The following NRXN3 variants were observed in gnomAD, a reference collection of about 807,000 sequenced individuals.
NRXN3 encodes neurexin III.
In NRXN3, 32 loss-of-function variants were observed where a neutral mutation model predicts 137.6. The observed-to-expected ratio is 0.23, with a 90% CI of 0.18 to 0.31. The LOEUF (loss-of-function observed/expected upper bound fraction) is 0.31. Ranked by LOEUF, NRXN3 falls within the 10% of genes least tolerant of loss-of-function variation. The pLI is 1.00. For synonymous variants in NRXN3, 798 were observed against 784.5 expected (o/e 1.02, Z -0.29); for missense variants, 1,574 against 2,062.5 (o/e 0.76, Z 4.59).
chr14:79,038,340 C>A (rs1176363575), intron 15 of NRXN3, among the ~76,000 whole-genome samples: 1 of 151,926 alleles, frequency 6.6e-6, no homozygotes, highest in Non-Finnish European at 1.5e-5. Context: ...GTAGCCTTAC[C>A]CTTAATAGTG....
At chr14:79,573,286 T>G (rs1367083425) in intron 16 of NRXN3, among the ~76,000 whole-genome samples, 1 of 152,046 alleles carries the variant, frequency 6.6e-6, no homozygotes, top group Non-Finnish European at 1.5e-5. Context: ...CCTAAAGGAA[T>G]GCAGTGGGTG....
At chr14:79,096,938 G>A (rs553126161) in intron 15 of NRXN3, among the ~76,000 whole-genome samples, 1 of 151,900 alleles carries the variant, frequency 6.6e-6, no homozygotes, top group African/African-American at 2.4e-5. Context: ...AGATAATTTT[G>A]ATATATAGTA....
chr14:78,901,223 C>A (rs994762856), intron 10 of NRXN3, among the ~76,000 whole-genome samples: 15 of 151,186 alleles, frequency 9.9e-5, no homozygotes, highest in African/African-American at 3.4e-4. Context: ...TTTCTTGAAC[C>A]ATTTTTTTTT....
Position 79,119,254 on chromosome 14 carries a change from T to C in NRXN3, c.3262+131113T>C, listed in dbSNP as rs534658848. ...TATATCTCTATGTGTTTTTGTATTT[T>C]CTGAGGATTATATTAGATTAATACC... On this transcript the variant is annotated intron_variant, in intron 15 of 20. Transcript: ENST00000335750. 2.1e-3 allele frequency among the ~76,000 whole-genome samples: 316 copies of C among 152,296 alleles called. 1 individual carries two copies. The highest frequency in any genetic ancestry group is 7.3e-3 in the African/African-American group (304 of 41,582).
At chr14:79,535,468 G>A (rs969264185) in intron 16 of NRXN3, among the ~76,000 whole-genome samples, 1 of 152,256 alleles carries the variant, frequency 6.6e-6, no homozygotes, top group East Asian at 1.9e-4. Context: ...TTGAGGATGG[G>A]AGGAAGCTTT....
intron 15 of NRXN3, among the ~76,000 whole-genome samples, chr14:79,014,837 T>C (rs1238717948): frequency 6.6e-6 from 1 of 152,130 alleles, no homozygotes; most frequent in Non-Finnish European, 1.5e-5. Context: ...TTTGTTGCTT[T>C]CATCTTCTTT....
At position 79,862,814 on chromosome 14, in the gene NRXN3, CAGAA is replaced by C. The variant is rs2099415583; in HGVS notation, c.*851_*854del. 1.3e-5 allele frequency: 2 copies of C among 152,514 alleles called. No individual in the cohort carries two copies. The highest frequency in any genetic ancestry group is 4.8e-5 in the African/African-American group (2 of 41,408). The allele number at this position is 152,514 out of a possible 1,614,324, so 9.4% of individuals were successfully genotyped here. A position where few individuals can be genotyped will look rare whatever the true frequency, so the allele number is the denominator to read the frequency against. ...AAGCTGGTCCCCCAGGATCTAATTTCAGAATTTACCACCCAAACCCGGAACAGAT... is the reference window on the plus strand; with the variant it reads ...AAGCTGGTCCCCCAGGATCTAATTTCTTTACCACCCAAACCCGGAACAGAT... On this transcript the variant is annotated 3_prime_UTR_variant, in exon 21 of 21. Coordinates refer to ENST00000335750, the MANE Select transcript of NRXN3 (RefSeq NM_001330195.2).
chr14:78,346,107 T>C (rs1465694139), intron 4 of NRXN3, among the ~76,000 whole-genome samples: 1 of 152,200 alleles, frequency 6.6e-6, no homozygotes, highest in East Asian at 1.9e-4. Context: ...TGATGCTCTA[T>C]TGAGACCTGA....
At chr14:79,351,547 T>G (rs1200398518) in intron 15 of NRXN3, among the ~76,000 whole-genome samples, 1 of 152,196 alleles carries the variant, frequency 6.6e-6, no homozygotes, top group East Asian at 1.9e-4. Flanking sequence ...GCAAGTCACT[T>G]AATAACTATC....
chr14:79,233,819 A>T (rs1049644316), intron 15 of NRXN3, among the ~76,000 whole-genome samples: 1 of 151,938 alleles, frequency 6.6e-6, no homozygotes, highest in Non-Finnish European at 1.5e-5. Flanking sequence ...CAATTAAGAG[A>T]TCCTTTTGAA....
At chr14:78,918,285 CAAAAAAA>C (rs71454807) in intron 10 of NRXN3, among the ~76,000 whole-genome samples, 1 of 34,668 alleles carries the variant, frequency 2.9e-5, no homozygotes, top group Non-Finnish European at 5.1e-5. Context: ...AACTCCATCT[CAAAAAAA>C]AAAAAAAAAA....
intron 8 of NRXN3, chr14:78,744,398 G>A (rs762168535): frequency 4.6e-5 from 7 of 152,090 alleles, no homozygotes; most frequent in Admixed American, 1.3e-4. Context: ...CAAAGTGCTG[G>A]GATTACAGGT....
intron 4 of NRXN3, among the ~76,000 whole-genome samples, chr14:78,590,925 C>A (rs926018885): frequency 1.6e-4 from 24 of 151,754 alleles, no homozygotes; most frequent in African/African-American, 5.3e-4. Flanking sequence ...AAACAAAAAA[C>A]CAAAAAAGAA....
chr14:78,481,660 T>A (rs1312185237), intron 4 of NRXN3, among the ~76,000 whole-genome samples: 1 of 152,116 alleles, frequency 6.6e-6, no homozygotes, highest in East Asian at 1.9e-4. Context: ...TTATGGAAAA[T>A]CACAAAGAGA....
intron 8 of NRXN3, among the ~76,000 whole-genome samples, chr14:78,790,742 G>C (rs914994692): frequency 6.6e-6 from 1 of 152,170 alleles, no homozygotes; most frequent in Non-Finnish European, 1.5e-5. Flanking sequence ...GTGGTAATTT[G>C]CTTACAAGGT....
chr14:79,676,343 C>A (rs2098640583), intron 17 of NRXN3, among the ~76,000 whole-genome samples: 2 of 122,232 alleles, frequency 1.6e-5, no homozygotes, highest in Admixed American at 1.5e-4. Context: ...GACCTACATC[C>A]TCTATTCCCC....
At chr14:78,969,771 A>G (rs191254104) in intron 14 of NRXN3, among the ~76,000 whole-genome samples, 41 of 151,638 alleles carry the variant, frequency 2.7e-4, no homozygotes, top group Admixed American at 1.2e-3. Flanking sequence ...ATCCAGAAAT[A>G]TTTCTTAAAT....
rs188843064 is a variant in NRXN3 at position 79,596,997 on chromosome 14, A to G, written c.3445-66781A>G. On this transcript the variant is annotated intron_variant, in intron 16 of 20. Coordinates refer to ENST00000335750, the MANE Select transcript of NRXN3 (RefSeq NM_001330195.2). The stretch of plus-strand genomic sequence containing the variant: ...ACACATACAGCAGTAAGTCTAAGGC[A>G]TATACCAGCTTATCAGATGGATCCC... Among the ~76,000 whole-genome samples, 50 of 152,286 alleles carry G rather than the reference A, an allele frequency of 3.3e-4. No individual in the cohort carries two copies. In the East Asian group the frequency reaches 7.3e-3, roughly 22 times the overall value.
chr14:79,129,956 T>G (rs868502271), intron 15 of NRXN3, among the ~76,000 whole-genome samples: 1 of 148,662 alleles, frequency 6.7e-6, no homozygotes, highest in African/African-American at 2.5e-5. Context: ...CTCTTTTGAT[T>G]TTTGTTGGTT....
Sources: gnomAD v4.1 joint callset for allele counts (sites outside exome capture counted in the v4.1 genomes callset) on GRCh38, gnomAD v4.1.1 for gene constraint, MANE v1.5 for transcripts, NCBI Gene and HGNC (gene_info 2026-07-23, HGNC 2026-07-21) for gene names.